The following PKD2L2 variants were observed in gnomAD, a reference collection of about 807,000 sequenced individuals.
PKD2L2 encodes polycystin-2-like protein 2.
PKD2L2 carries 67 observed loss-of-function variants against 83.9 expected under a neutral mutation model. The observed-to-expected ratio is 0.80, with a 90% CI of 0.66 to 0.98. The LOEUF (loss-of-function observed/expected upper bound fraction) is 0.98. PKD2L2 is among the 50% of genes least tolerant of loss of function. The pLI is 0.00. For missense variants in PKD2L2, 632 were observed against 717.2 expected, an observed-to-expected ratio of 0.88 and a Z score of 1.36; for synonymous variants, 223 against 237.8, an observed-to-expected ratio of 0.94 and a Z score of 0.57.
At chr5:137,899,249 T>A (rs992131854) in intron 4 of PKD2L2, among the ~76,000 whole-genome samples, 1 of 152,104 alleles carries the variant, frequency 6.6e-6, no homozygotes, top group Non-Finnish European at 1.5e-5. Context: ...CCTGAGCAGG[T>A]GGGACTACAG....
chr5:137,912,179 G>T (rs992499408), intron 8 of PKD2L2, among the ~76,000 whole-genome samples: 3 of 152,108 alleles, frequency 2.0e-5, no homozygotes, highest in African/African-American at 7.2e-5. Context: ...CCAAGAAGTG[G>T]ATTGCTGGAT....
intron 14 of PKD2L2, among the ~76,000 whole-genome samples, chr5:137,937,418 T>TA (rs1177736950): frequency 5.9e-5 from 9 of 152,196 alleles, no homozygotes. Flanking sequence ...GAGGATGCTG[T>TA]AACAGCCTTA....
At chr5:137,899,804 A>G in intron 5 of PKD2L2, 67 bp downstream of exon 5, 1 of 804,182 alleles carries the variant, frequency 1.2e-6, no homozygotes, top group Non-Finnish European at 2.0e-6. Context: ...TTATTAGTAC[A>G]GTTGACCCTT....
intron 8 of PKD2L2, among the ~76,000 whole-genome samples, chr5:137,917,195 C>T (rs1294127993): frequency 7.4e-6 from 1 of 135,396 alleles, no homozygotes. Context: ...GGGAATCTCA[C>T]TCTGTCTCAC....
chr5:137,941,711 C>G (rs1261245999), intron 14 of PKD2L2, among the ~76,000 whole-genome samples: 4 of 152,136 alleles, frequency 2.6e-5, no homozygotes, highest in African/African-American at 7.2e-5. Context: ...GCAATACAAC[C>G]AAGGCTCCCT....
intron 8 of PKD2L2, among the ~76,000 whole-genome samples, chr5:137,909,444 A>G (rs1402516481): frequency 6.6e-6 from 1 of 151,960 alleles, no homozygotes; most frequent in African/African-American, 2.4e-5. Context: ...TTAGAAAAAT[A>G]ATTTTTCATT....
Position 137,923,522 on chromosome 5 carries a change from G to C in PKD2L2, c.1551+1G>C. 2 of 1,305,114 alleles carry C rather than the reference G, an allele frequency of 1.5e-6. No homozygotes were observed. The highest frequency in any genetic ancestry group is 2.2e-6 in the Non-Finnish European group (2 of 899,156). The allele number at this position is 1,305,114 out of a possible 1,614,324, so 80.8% of individuals were successfully genotyped here. A position where few individuals can be genotyped will look rare whatever the true frequency, so the allele number is the denominator to read the frequency against. ...TGAACTTGGCAAAATGATTAAACAG[G>C]TAAGTCAAATTTCTTTCCTAATTAG... On this transcript the variant is annotated splice_donor_variant, in intron 10 of 14. Transcript: ENST00000508883. LOFTEE classifies it high-confidence loss of function.
chr5:137,890,551 CTACTT>C lies in PKD2L2; in HGVS notation c.105_109del (p.Ile37PhefsTer35), dbSNP rs537075402. The C allele has an allele frequency of 5.5e-4, 847 of 1,540,856 alleles. 1 individual carries two copies. The highest frequency in any genetic ancestry group is 6.8e-4 in the Non-Finnish European group (770 of 1,126,562). On this transcript the variant is annotated frameshift_variant, in exon 2 of 15. Coordinates refer to ENST00000508883, the MANE Select transcript of PKD2L2 (RefSeq NM_001300921.2). LOFTEE classifies it high-confidence loss of function. ...CAACCACACTTCAGGAATTGTTACT[CTACTT>C]TATTTTTTTAATAAACCTATGTATA...
At chr5:137,911,493 T>C (rs1757830878) in intron 8 of PKD2L2, among the ~76,000 whole-genome samples, 1 of 152,178 alleles carries the variant, frequency 6.6e-6, no homozygotes, top group Non-Finnish European at 1.5e-5. Flanking sequence ...TACCCAGAAG[T>C]AGAATTGCTG....
chr5:137,898,452 T>C (rs1350915744), intron 4 of PKD2L2, among the ~76,000 whole-genome samples: 1 of 152,196 alleles, frequency 6.6e-6, no homozygotes, highest in African/African-American at 2.4e-5. Flanking sequence ...TTTGTCCTAC[T>C]CAAAAACTAA....
intron 2 of PKD2L2, among the ~76,000 whole-genome samples, chr5:137,891,207 T>C (rs73790081): frequency 0.022 from 3,404 of 152,332 alleles, 107 homozygotes; most frequent in African/African-American, 0.077. Flanking sequence ...GGCAGTATTG[T>C]CTCATGTTGG....
At chr5:137,937,788 C>T (rs1281635495) in intron 14 of PKD2L2, among the ~76,000 whole-genome samples, 1 of 152,174 alleles carries the variant, frequency 6.6e-6, no homozygotes, top group Non-Finnish European at 1.5e-5. Context: ...TGGCCTTTCC[C>T]TGTCTTACCA....
intron 6 of PKD2L2, among the ~76,000 whole-genome samples, chr5:137,907,334 T>TA (rs1757447930): frequency 1.3e-5 from 2 of 152,184 alleles, no homozygotes; most frequent in South Asian, 4.1e-4. Flanking sequence ...TTTTAAAGGG[T>TA]TGTTAAAAGG....
intron 12 of PKD2L2, among the ~76,000 whole-genome samples, chr5:137,929,557 A>AAAC: frequency 6.7e-6 from 1 of 149,110 alleles, no homozygotes; most frequent in Admixed American, 6.7e-5. Context: ...AAAAAAAAAA[A>AAAC]AACAGACCAC....
intron 4 of PKD2L2, among the ~76,000 whole-genome samples, chr5:137,898,532 G>C (rs1756681618): frequency 6.6e-6 from 1 of 152,078 alleles, no homozygotes; most frequent in African/African-American, 2.4e-5. Flanking sequence ...TAAGCTCCCT[G>C]AGACAACAGA....
rs771074614 is a variant in PKD2L2, at chr5:137,912,803, TTC to T, written c.1328+3859_1328+3860del. Among the ~76,000 whole-genome samples the T allele has an allele frequency of 2.9e-4, 39 of 136,644 alleles. 10 individuals carry two copies. The highest frequency in any genetic ancestry group is 6.8e-4 in the South Asian group (3 of 4,406). The allele number at this position is 136,644 out of a possible 152,430, so 89.6% of individuals were successfully genotyped here. On this transcript the variant is annotated intron_variant, in intron 8 of 14. Coordinates refer to ENST00000508883, the MANE Select transcript of PKD2L2 (RefSeq NM_001300921.2). Reference sequence around the variant, plus strand: ...AAATTGGATTATTTGTTTTCTTTCTTTCTTTTTTTTTTTTTTTTGAGATGGAG... The same window carrying T: ...AAATTGGATTATTTGTTTTCTTTCTTTTTTTTTTTTTTTTTTGAGATGGAG...
chr5:137,896,741 G>A (rs1198810868), intron 4 of PKD2L2, among the ~76,000 whole-genome samples: 2 of 151,726 alleles, frequency 1.3e-5, no homozygotes, highest in African/African-American at 2.4e-5. Context: ...GGAAGGTGAT[G>A]CGTCATATAG....
intron 5 of PKD2L2, among the ~76,000 whole-genome samples, chr5:137,905,077 C>G (rs1757257992): frequency 6.6e-6 from 1 of 152,152 alleles, no homozygotes; most frequent in South Asian, 2.1e-4. Context: ...ATGTTCTAAA[C>G]AAGAATGGAA....
intron 5 of PKD2L2, among the ~76,000 whole-genome samples, chr5:137,900,780 G>A (rs936571781): frequency 7.2e-5 from 11 of 152,170 alleles, no homozygotes; most frequent in Admixed American, 5.2e-4. Context: ...TGAAAATGCA[G>A]CTTCTGTGGG....
Sources: allele counts gnomAD v4.1 joint callset (sites outside exome capture counted in the v4.1 genomes callset), GRCh38; gene constraint gnomAD v4.1.1; transcripts MANE v1.5; gene names NCBI Gene and HGNC (gene_info 2026-07-23, HGNC 2026-07-21).